The following LRRC43 variants were observed in gnomAD, a reference collection of about 807,000 sequenced individuals.
LRRC43 encodes leucine-rich repeat-containing protein 43.
Under a neutral mutation model 64.3 loss-of-function variants are expected in LRRC43, and 62 were observed. The observed-to-expected ratio is 0.96, with a 90% confidence interval of 0.79 to 1.19. The LOEUF is 1.19. Ranked by LOEUF, LRRC43 falls within the 50% of genes most tolerant of loss-of-function variation. The pLI is 0.00. For missense variants in LRRC43, 868 were observed against 845.0 expected, an observed-to-expected ratio of 1.03 and a Z score of -0.34; for synonymous variants, 422 against 382.3, an observed-to-expected ratio of 1.10 and a Z score of -1.21.
rs746890534 is a variant in LRRC43, at chr12:122,203,465, C to T, written c.*23C>T. On this transcript the variant is annotated 3_prime_UTR_variant, in exon 12 of 12. Transcript: ENST00000339777. ...TAGGGCGTGGGCAGTAAAGGCTGTT[C>T]CCAGCACTCCCGCCTCCGCTTCTGT... 6.3e-7 allele frequency: 1 copy of T among 1,585,126 alleles called. No homozygotes were observed. The highest frequency in any genetic ancestry group is 2.3e-5 in the East Asian group (1 of 43,946).
chr12:122,192,336 C>T (rs1953727853), intron 6 of LRRC43, among the ~76,000 whole-genome samples: 1 of 151,962 alleles, frequency 6.6e-6, no homozygotes, highest in African/African-American at 2.4e-5. Flanking sequence ...TGGGGTTTCA[C>T]CATGTTAGCC....
Position 122,200,860 on chromosome 12 carries a change from G to T in LRRC43, c.1735G>T (p.Glu579Ter), listed in dbSNP as rs757463217. Residue 579 changes from glutamate (E) to a stop codon, truncating the protein, a stop_gained, in exon 10 of 12, where the codon GAG becomes TAG. Transcript: ENST00000339777. LOFTEE classifies it high-confidence loss of function. The surrounding 1 kb of genome is among the most constrained non-coding windows in gnomAD (Gnocchi z 4.6). ...LVILEPLLAG[E>*]PLVSTVCNFG... ...GATCCTGGAGCCCCTGCTCGCCGGG[G>T]AGCCCCTGGTGTCCACCGTGTGCAA... The T allele has an allele frequency of 1.2e-6, 2 of 1,613,112 alleles. No homozygotes were observed. The highest frequency in any genetic ancestry group is 1.7e-6 in the Non-Finnish European group (2 of 1,179,890).
intron 7 of LRRC43, among the ~76,000 whole-genome samples, chr12:122,195,912 C>G (rs1453283805): frequency 6.6e-6 from 1 of 152,126 alleles, no homozygotes; most frequent in African/African-American, 2.4e-5. Flanking sequence ...CAAGGGAAAC[C>G]TGGAGTGTTT....
chr12:122,203,409 G>C lies in LRRC43; in HGVS notation c.1938G>C (p.Ser646=), dbSNP rs374361009. The stretch of plus-strand genomic sequence containing the variant: ...AGATCCAGCTGAACCAGTGCCGCTC[G>C]GCGGAGGAGGCTCTGCGCATGTTCG... ...EVQIQLNQCR[S]AEEALRMFAV is the part of the protein sequence containing the mutation. Residue 646 remains serine (S), a synonymous_variant, in exon 12 of 12, where the codon TCG becomes TCC. Coordinates refer to ENST00000339777, the MANE Select transcript of LRRC43 (RefSeq NM_001098519.2). 40 of 1,612,044 alleles carry C rather than the reference G, an allele frequency of 2.5e-5. No individual in the cohort carries two copies. Among genetic ancestry groups the C allele is most frequent in the Non-Finnish European group, 3.1e-5 (37 of 1,179,642 alleles).
intron 1 of LRRC43, among the ~76,000 whole-genome samples, chr12:122,168,133 A>AGG (rs1953456037): frequency 7.1e-6 from 1 of 140,916 alleles, no homozygotes; most frequent in Non-Finnish European, 1.5e-5. Flanking sequence ...TGTTTTAAGT[A>AGG]ATTAAAAAAA....
At chr12:122,191,287 A>C in intron 5 of LRRC43, 93 bp from the exon 6 acceptor site, 1 of 1,071,274 alleles carries the variant, frequency 9.3e-7, no homozygotes, top group Non-Finnish European at 1.3e-6. Flanking sequence ...TGCTGGAGAG[A>C]ATCTAGGGAC....
rs116498522 is a variant in LRRC43 at position 122,169,827 on chromosome 12, G to C, written c.-406+2045G>C. 7.4e-3 allele frequency among the ~76,000 whole-genome samples: 1,085 copies of C among 146,528 alleles called. 13 individuals carry two copies. Among genetic ancestry groups the C allele is most frequent in the African/African-American group, 0.026 (1,034 of 39,870 alleles). Reference sequence around the variant, plus strand: ...TGTTGTTGTTTGTTGTTGTTGTTTTGAAACAAGGTCTCACTCTGTTGCCCA... The same window carrying C: ...TGTTGTTGTTTGTTGTTGTTGTTTTCAAACAAGGTCTCACTCTGTTGCCCA... On this transcript the variant is annotated intron_variant, in intron 1 of 5. Transcript: ENST00000537729.
In LRRC43 at chr12:122,191,431, GAGTCCTGGACACCTCTGTCTT is replaced by G. The variant is rs1480857599; in HGVS notation, c.956_976del (p.Val319_Leu325del). 13 of 1,613,826 alleles carry G rather than the reference GAGTCCTGGACACCTCTGTCTT, an allele frequency of 8.1e-6. No homozygotes were observed. Among genetic ancestry groups the G allele is most frequent in the African/African-American group, 1.3e-5 (1 of 74,898 alleles). On this transcript the variant is annotated inframe_deletion, in exon 6 of 12. Coordinates refer to ENST00000339777, the MANE Select transcript of LRRC43 (RefSeq NM_001098519.2). ...GTGGTGACCATCGGAAACATCAGAG[GAGTCCTGGACACCTCTGTCTT>G]AGACCCGGAACCCAGGCCCGAAGGC... is the stretch of plus-strand genomic sequence containing the variant.
At chr12:122,178,740 A>G (rs905147318), upstream of LRRC43, among the ~76,000 whole-genome samples, 4 of 151,574 alleles carry the variant, frequency 2.6e-5, no homozygotes, top group African/African-American at 4.8e-5. Flanking sequence ...TACAGGCGTG[A>G]GCCACCACTC....
At position 122,200,116 on chromosome 12, in the gene LRRC43, A is replaced by G. The variant is rs1032264892; in HGVS notation, c.1350-73A>G. 6.6e-7 allele frequency: 1 copy of G among 1,523,614 alleles called. No individual in the cohort carries two copies. Among genetic ancestry groups the G allele is most frequent in the Non-Finnish European group, 8.9e-7 (1 of 1,119,782 alleles). 94.4% of individuals were successfully genotyped at this position (1,523,614 alleles called of 1,614,324 possible). A position where few individuals can be genotyped will look rare whatever the true frequency, so the allele number is the denominator to read the frequency against. ...TCGTGGTCTCCTCGGATGTCCCCTC[A>G]CAGTCCTGTCCCGGGTCCCTGGCCA... On this transcript the variant is annotated intron_variant, in intron 7 of 11. Transcript: ENST00000339777. The surrounding 1 kb of genome is among the most constrained non-coding windows in gnomAD (Gnocchi z 4.6).
intron 1 of LRRC43, among the ~76,000 whole-genome samples, chr12:122,175,572 C>A (rs1311934447): frequency 6.6e-6 from 1 of 151,038 alleles, no homozygotes; most frequent in Non-Finnish European, 1.5e-5. Flanking sequence ...GGCATCATCA[C>A]AACTCACGGC....
chr12:122,192,380 C>T (rs1250145014), intron 6 of LRRC43, among the ~76,000 whole-genome samples: 12 of 151,054 alleles, frequency 7.9e-5, no homozygotes, highest in African/African-American at 2.9e-4. Flanking sequence ...TCGTGATCCG[C>T]CTGCCTCGGC....
chr12:122,191,810 G>A (rs1189096552), intron 6 of LRRC43, among the ~76,000 whole-genome samples: 1 of 151,860 alleles, frequency 6.6e-6, no homozygotes, highest in Non-Finnish European at 1.5e-5. Context: ...CCCACCACTA[G>A]GCCCAGCTAA....
chr12:122,188,509 C>T (rs536540569), intron 4 of LRRC43, among the ~76,000 whole-genome samples: 5 of 150,430 alleles, frequency 3.3e-5, no homozygotes, highest in African/African-American at 4.9e-5. Flanking sequence ...TGCGTGATCT[C>T]GGCTCACTGC....
chr12:122,196,228 C>G (rs1953771678), intron 7 of LRRC43, among the ~76,000 whole-genome samples: 1 of 152,202 alleles, frequency 6.6e-6, no homozygotes, highest in African/African-American at 2.4e-5. Context: ...CGTCCTAAAA[C>G]AGAATTTCCA....
chr12:122,203,276 C>T (rs1953864715), intron 11 of LRRC43, 39 bp from the exon 12 acceptor site: 1 of 1,598,740 alleles, frequency 6.3e-7, no homozygotes, highest in East Asian at 2.2e-5. Flanking sequence ...CCAGCCCATC[C>T]GTCTCCCGGG....
intron 6 of LRRC43, 65 bp from the exon 7 acceptor site, chr12:122,192,680 C>T: frequency 1.3e-6 from 2 of 1,575,148 alleles, no homozygotes; most frequent in Non-Finnish European, 8.7e-7. Flanking sequence ...TACAGACACC[C>T]CCGGCATCAG....
intron 11 of LRRC43, chr12:122,202,330 C>G (rs1953851271): frequency 6.6e-6 from 1 of 151,998 alleles, no homozygotes; most frequent in African/African-American, 2.4e-5. Flanking sequence ...AAAATCCAAC[C>G]TCAGGCCCAT....
upstream of LRRC43, among the ~76,000 whole-genome samples, chr12:122,182,235 A>T (rs556678438): frequency 2.0e-5 from 3 of 151,866 alleles, no homozygotes; most frequent in Admixed American, 2.0e-4. Flanking sequence ...TAAAATACAA[A>T]AAATTAGGCT....
Sources: allele counts gnomAD v4.1 joint callset (sites outside exome capture counted in the v4.1 genomes callset), GRCh38; gene constraint gnomAD v4.1.1; non-coding constraint Gnocchi (gnomAD v3.1); transcripts MANE v1.5; gene names NCBI Gene and HGNC (gene_info 2026-07-23, HGNC 2026-07-21).